Variants in PEAK1 observed in about 807,000 individuals in gnomAD.
PEAK1 encodes the protein pseudopodium enriched atypical kinase 1.
A neutral mutation model predicts 124.7 loss-of-function variants in PEAK1; 54 were observed. The observed-to-expected ratio is 0.43, with a 90% CI of 0.35 to 0.54. PEAK1 has a LOEUF of 0.54. Ranked by LOEUF, PEAK1 falls within the 20% of genes least tolerant of loss-of-function variation. The pLI, the probability that PEAK1 is intolerant of heterozygous loss-of-function variation, is 0.01. For synonymous variants in PEAK1, 719 were observed against 760.0 expected (o/e 0.95, Z 0.89); for missense variants, 2,046 against 2,134.5 (o/e 0.96, Z 0.82).
chr15:77,346,736 A>G, intron 2 of PEAK1: 2 of 983,372 alleles, frequency 2.0e-6, no homozygotes, highest in Non-Finnish European at 2.4e-6. Context: ...AGACATTTGT[A>G]CGAATAGCTG....
At chr15:77,127,323 G>A (rs1596278766) in intron 9 of PEAK1, among the ~76,000 whole-genome samples, 2 of 152,154 alleles carry the variant, frequency 1.3e-5, no homozygotes, top group South Asian at 4.1e-4. Flanking sequence ...ATTTTGTTAT[G>A]GCAGCCTGAG....
At chr15:77,107,710 A>C (rs1046866989), downstream of PEAK1, 3 of 152,260 alleles carry the variant, frequency 2.0e-5, no homozygotes, top group Non-Finnish European at 4.4e-5. Context: ...AAGGCATGCG[A>C]ATCTTGCAGA....
At chr15:77,399,525 A>G (rs2071178041) in intron 1 of PEAK1, among the ~76,000 whole-genome samples, 1 of 152,206 alleles carries the variant, frequency 6.6e-6, no homozygotes. Context: ...ATACATCTAC[A>G]GTGAACTCAT....
chr15:77,137,196 G>A (rs985652226), intron 8 of PEAK1, among the ~76,000 whole-genome samples: 10 of 152,194 alleles, frequency 6.6e-5, no homozygotes, highest in Non-Finnish European at 1.2e-4. Context: ...TGCAGGGGTC[G>A]GGCCCTCATG....
Position 77,114,137 on chromosome 15 carries a change from A to G in PEAK1, c.*19T>C. The G allele has an allele frequency of 1.2e-6, 2 of 1,604,478 alleles. No homozygotes were observed. The highest frequency in any genetic ancestry group is 1.7e-6 in the Non-Finnish European group (2 of 1,172,468). ...ATGAAGAAGGTGAAGATGTAGTAAA[A>G]GCATCATCCAGGTACACATTAACGG... On this transcript the variant is annotated 3_prime_UTR_variant, in exon 10 of 10. Coordinates refer to ENST00000682557, the MANE Select transcript of PEAK1 (RefSeq NM_001385026.1).
chr15:77,375,928 G>A (rs2068979912), intron 1 of PEAK1, among the ~76,000 whole-genome samples: 1 of 152,016 alleles, frequency 6.6e-6, no homozygotes, highest in South Asian at 2.1e-4. Context: ...GAACCCGGGA[G>A]GCGGAGCCTG....
Position 77,404,668 on chromosome 15 carries a change from TAA to T in PEAK1, c.-666+15336_-666+15337del, listed in dbSNP as rs908182196. On this transcript the variant is annotated intron_variant, in intron 1 of 9. Coordinates refer to ENST00000682557, the MANE Select transcript of PEAK1 (RefSeq NM_001385026.1). Reference sequence around the variant, plus strand: ...ATTTGAGACATATTCTTCGAGACTATAAAGAGTCTGCTGTACTAATATATTTG... The same window carrying T: ...ATTTGAGACATATTCTTCGAGACTATAGAGTCTGCTGTACTAATATATTTG... 43 of 954,390 alleles carry T rather than the reference TAA, an allele frequency of 4.5e-5. No individual in the cohort carries two copies. In the African/African-American group the frequency reaches 6.9e-4, roughly 15 times the overall value. 59.1% of individuals were successfully genotyped at this position (954,390 alleles called of 1,614,324 possible). A position where few individuals can be genotyped will look rare whatever the true frequency, so the allele number is the denominator to read the frequency against.
At chr15:77,164,809 A>G (rs2055952863) in intron 7 of PEAK1, among the ~76,000 whole-genome samples, 1 of 152,192 alleles carries the variant, frequency 6.6e-6, no homozygotes, top group South Asian at 2.1e-4. Context: ...TGAGATACTG[A>G]TATGCATTTC....
chr15:77,347,802 C>T (rs1240989029), intron 2 of PEAK1: 1 of 984,794 alleles, frequency 1.0e-6, no homozygotes, highest in Non-Finnish European at 1.2e-6. Context: ...CATCTGTTTT[C>T]CTTCTATAGC....
chr15:77,304,899 A>G (rs2064000293), intron 2 of PEAK1, among the ~76,000 whole-genome samples: 1 of 152,082 alleles, frequency 6.6e-6, no homozygotes, highest in Non-Finnish European at 1.5e-5. Flanking sequence ...TATCTGTACA[A>G]TGTGGATCAT....
chr15:77,327,651 T>C (rs1243281222), intron 2 of PEAK1, among the ~76,000 whole-genome samples: 2 of 152,012 alleles, frequency 1.3e-5, no homozygotes, highest in East Asian at 3.9e-4. Context: ...TTATAGATCA[T>C]TGTTGTTGTT....
intron 6 of PEAK1, among the ~76,000 whole-genome samples, chr15:77,193,956 T>A (rs2057982306): frequency 6.6e-6 from 1 of 152,238 alleles, no homozygotes; most frequent in African/African-American, 2.4e-5. Flanking sequence ...ATATACTTTA[T>A]AATCTATATT....
chr15:77,271,509 A>G (rs2062031153), intron 5 of PEAK1, among the ~76,000 whole-genome samples: 1 of 152,210 alleles, frequency 6.6e-6, no homozygotes, highest in Non-Finnish European at 1.5e-5. Flanking sequence ...TATTCACAAT[A>G]GCAAAGACTT....
chr15:77,242,143 C>T (rs532111805), intron 6 of PEAK1, among the ~76,000 whole-genome samples: 3 of 152,086 alleles, frequency 2.0e-5, no homozygotes, highest in South Asian at 4.1e-4. Context: ...TAAATATTCT[C>T]CTAATTCAGT....
chr15:77,346,880 T>C (rs901866517), intron 2 of PEAK1: 1 of 454,206 alleles, frequency 2.2e-6, no homozygotes, highest in African/African-American at 2.1e-5. Context: ...TCAGAGGAGA[T>C]TAATGAGAAA....
chr15:77,290,975 GC>G (rs1407277998), intron 2 of PEAK1, among the ~76,000 whole-genome samples: 1 of 152,092 alleles, frequency 6.6e-6, no homozygotes, highest in Non-Finnish European at 1.5e-5. Context: ...TAACTATATA[GC>G]CATATAAGAC....
chr15:77,324,147 C>T (rs978543084), intron 2 of PEAK1, among the ~76,000 whole-genome samples: 20 of 152,196 alleles, frequency 1.3e-4, no homozygotes, highest in African/African-American at 3.4e-4. Flanking sequence ...ATGGAATATG[C>T]GCTCAATAAA....
intron 1 of PEAK1, chr15:77,370,665 T>A (rs971041665): frequency 1.3e-5 from 13 of 977,748 alleles, no homozygotes; most frequent in Middle Eastern, 5.2e-4. Context: ...AATGTGCTGA[T>A]CAGTTAATCA....
chr15:77,256,683 G>C (rs28542588), intron 5 of PEAK1, among the ~76,000 whole-genome samples: 2,260 of 151,776 alleles, frequency 0.015, 58 homozygotes, highest in African/African-American at 0.051. Context: ...TCAGAACATA[G>C]CCAGTTCATT....
Sources: gnomAD v4.1 joint callset for allele counts (sites outside exome capture counted in the v4.1 genomes callset) on GRCh38, gnomAD v4.1.1 for gene constraint, MANE v1.5 for transcripts, NCBI Gene and HGNC (gene_info 2026-07-23, HGNC 2026-07-21) for gene names.